HPSE2: variants seen among roughly 807,000 people sequenced by gnomAD.
HPSE2 encodes the protein inactive heparanase-2.
Under a neutral mutation model 60.5 loss-of-function variants are expected in HPSE2, and 38 were observed. The observed-to-expected ratio is 0.63, with a 90% CI of 0.48 to 0.82. The LOEUF is 0.82. Among genes scored for constraint, HPSE2 ranks in the 40% least tolerant of loss-of-function variants. The pLI is 0.00. For synonymous variants in HPSE2, 295 were observed against 293.2 expected, an observed-to-expected ratio of 1.01 and a Z score of -0.06; for missense variants, 713 against 740.4, an observed-to-expected ratio of 0.96 and a Z score of 0.43.
chr10:98,926,859 C>T (rs928704726), intron 3 of HPSE2, among the ~76,000 whole-genome samples: 12 of 152,164 alleles, frequency 7.9e-5, no homozygotes, highest in Non-Finnish European at 1.3e-4. Flanking sequence ...ACCTTCATTT[C>T]GTTATGTACC....
intron 3 of HPSE2, among the ~76,000 whole-genome samples, chr10:99,017,186 T>C (rs1297429363): frequency 6.6e-6 from 1 of 152,178 alleles, no homozygotes; most frequent in East Asian, 1.9e-4. Flanking sequence ...GCTCTTATTA[T>C]TTTGAGGTAT....
the HPSE2 span, among the ~76,000 whole-genome samples, chr10:99,296,268 C>A: frequency 2.6e-5 from 4 of 152,186 alleles, no homozygotes; most frequent in South Asian, 2.1e-4. Flanking sequence ...GGAGGTGAGA[C>A]TGGACTCCAG....
intron 3 of HPSE2, among the ~76,000 whole-genome samples, chr10:99,042,875 C>G (rs563921030): frequency 6.6e-6 from 1 of 152,142 alleles, no homozygotes; most frequent in Non-Finnish European, 1.5e-5. Flanking sequence ...ATAAAAGAGC[C>G]ACAAGACTAA....
Position 98,507,520 on chromosome 10 carries a change from T to C in HPSE2, c.1321-17324A>G, listed in dbSNP as rs1030068668. ...GCAATGGAGGGTTTTGGTTTTTAAG[T>C]TGGCTGATAGTGGGTTGAAAGCCAG... On this transcript the variant is annotated intron_variant, in intron 9 of 11. Coordinates refer to ENST00000370552, the MANE Select transcript of HPSE2 (RefSeq NM_021828.5). Among the ~76,000 whole-genome samples the C allele has an allele frequency of 2.0e-5, 3 of 152,174 alleles. 1 individual carries two copies. Among genetic ancestry groups the C allele is most frequent in the Admixed American group, 2.0e-4 (3 of 15,282 alleles).
upstream of HPSE2, among the ~76,000 whole-genome samples, chr10:99,237,863 T>C (rs1175795834): frequency 6.6e-6 from 1 of 152,228 alleles, no homozygotes; most frequent in Non-Finnish European, 1.5e-5. Flanking sequence ...TGCCTTTGTG[T>C]TCCCAGACTG....
intron 9 of HPSE2, among the ~76,000 whole-genome samples, chr10:98,523,429 T>C (rs1369595366): frequency 6.6e-6 from 1 of 152,228 alleles, no homozygotes; most frequent in East Asian, 1.9e-4. Context: ...AAACCCAGTA[T>C]GAAATAGAAT....
intron 5 of HPSE2, among the ~76,000 whole-genome samples, chr10:98,709,210 A>G (rs1237710522): frequency 6.6e-6 from 1 of 152,232 alleles, no homozygotes; most frequent in Non-Finnish European, 1.5e-5. Context: ...GCTCAGCAAC[A>G]GTAATATTAG....
chr10:98,569,055 TA>T (rs1944424324), intron 9 of HPSE2, among the ~76,000 whole-genome samples: 1 of 136,220 alleles, frequency 7.3e-6, no homozygotes, highest in Admixed American at 8.6e-5. Flanking sequence ...GTTGTTATTT[TA>T]AAAAGTCTGA....
the HPSE2 span, among the ~76,000 whole-genome samples, chr10:99,275,069 G>A: frequency 2.6e-5 from 4 of 152,172 alleles, no homozygotes; most frequent in African/African-American, 9.7e-5. Flanking sequence ...GGCTCCTGCA[G>A]GGCCAGAGAA....
chr10:99,174,642 T>C (rs1041430292), intron 2 of HPSE2, among the ~76,000 whole-genome samples: 41 of 152,340 alleles, frequency 2.7e-4, no homozygotes, highest in African/African-American at 9.4e-4. Flanking sequence ...ATGGAACTAC[T>C]AGCTGTTACA....
intron 3 of HPSE2, among the ~76,000 whole-genome samples, chr10:98,986,697 T>C (rs1022951026): frequency 7.0e-6 from 1 of 142,830 alleles, no homozygotes; most frequent in African/African-American, 2.5e-5. Context: ...AATTAATGAA[T>C]CCAGGAGCTG....
intron 5 of HPSE2, among the ~76,000 whole-genome samples, chr10:98,713,557 A>G (rs1472014388): frequency 6.6e-6 from 1 of 151,912 alleles, no homozygotes; most frequent in Non-Finnish European, 1.5e-5. Context: ...TGGTCTCTGA[A>G]AGTAAGATGC....
rs115599593 is a variant in HPSE2 at position 99,146,178 on chromosome 10, G to T, written c.449-1779C>A. ...TGCAGTTTACATTTATATAAATTAC[G>T]TTCTATAAAATTTTTTGGATTACAT... On this transcript the variant is annotated intron_variant, in intron 2 of 11. Coordinates refer to ENST00000370552, the MANE Select transcript of HPSE2 (RefSeq NM_021828.5). Among the ~76,000 whole-genome samples the T allele has an allele frequency of 3.4e-3, 517 of 152,240 alleles. 3 individuals are homozygous for T. The highest frequency in any genetic ancestry group is 0.012 in the African/African-American group (495 of 41,526).
Position 98,713,047 on chromosome 10 carries a change from C to A in HPSE2, c.956+8610G>T, listed in dbSNP as rs187933249. Among the ~76,000 whole-genome samples, 4 of 152,114 alleles carry A rather than the reference C, an allele frequency of 2.6e-5. No individual in the cohort carries two copies. In the East Asian group the frequency reaches 7.7e-4, roughly 29 times the overall value. On this transcript the variant is annotated intron_variant, in intron 5 of 11. Coordinates refer to ENST00000370552, the MANE Select transcript of HPSE2 (RefSeq NM_021828.5). ...TAGAGAATTACTTCGCTAGATGACT[C>A]AAGAAAGCACTCTGATGGATGAGAA...
At chr10:99,079,568 G>A (rs931883200) in intron 3 of HPSE2, among the ~76,000 whole-genome samples, 4 of 152,092 alleles carry the variant, frequency 2.6e-5, no homozygotes, top group Admixed American at 2.0e-4. Context: ...TATGGTAAAC[G>A]CCAGCCTAAA....
In HPSE2 at chr10:99,079,038, A is replaced by C. The variant is rs182952257; in HGVS notation, c.610+65200T>G. Among the ~76,000 whole-genome samples, 19 of 152,242 alleles carry C rather than the reference A, an allele frequency of 1.2e-4. No homozygotes were observed. In the East Asian group the frequency reaches 3.3e-3, roughly 26 times the overall value. On this transcript the variant is annotated intron_variant, in intron 3 of 11. Transcript: ENST00000370552. ...GTTCTATCCAACTCGTTTCCTCCCC[A>C]AGAAAAATCTGGGATGCAGGATTTT...
intron 9 of HPSE2, among the ~76,000 whole-genome samples, chr10:98,530,529 G>A (rs1271979583): frequency 6.6e-6 from 1 of 152,144 alleles, no homozygotes; most frequent in Non-Finnish European, 1.5e-5. Context: ...GGATCTTGAG[G>A]CAAGTGTCAT....
intron 3 of HPSE2, among the ~76,000 whole-genome samples, chr10:99,017,473 G>A (rs1285150381): frequency 6.6e-6 from 1 of 152,106 alleles, no homozygotes; most frequent in Non-Finnish European, 1.5e-5. Context: ...CAAGGATATT[G>A]CCCTTAAGTT....
At chr10:99,252,945 A>T in the HPSE2 span, among the ~76,000 whole-genome samples, 1 of 152,202 alleles carries the variant, frequency 6.6e-6, no homozygotes, top group South Asian at 2.1e-4. Context: ...GATCTCTACA[A>T]GGAGAACTAC....
Sources: gnomAD v4.1 joint callset for allele counts (sites outside exome capture counted in the v4.1 genomes callset) on GRCh38, gnomAD v4.1.1 for gene constraint, MANE v1.5 for transcripts, NCBI Gene and HGNC (gene_info 2026-07-23, HGNC 2026-07-21) for gene names.